VAPA: variants seen among roughly 807,000 people sequenced by gnomAD.
The protein encoded by VAPA is VAMP associated protein A.
A neutral mutation model predicts 25.6 loss-of-function variants in VAPA; 6 were observed. That is an observed-to-expected ratio of 0.23 (90% CI 0.13 to 0.46). VAPA has a LOEUF of 0.46. Among genes scored for constraint, VAPA ranks in the 20% least tolerant of loss-of-function variants. The pLI, the probability that VAPA is intolerant of heterozygous loss-of-function variation, is 0.99. For missense variants in VAPA, 244 were observed against 302.1 expected, an observed-to-expected ratio of 0.81 and a Z score of 1.43; for synonymous variants, 112 against 106.2, an observed-to-expected ratio of 1.05 and a Z score of -0.34.
At chr18:9,919,207 A>G (rs2069136828) in intron 1 of VAPA, among the ~76,000 whole-genome samples, 1 of 152,206 alleles carries the variant, frequency 6.6e-6, no homozygotes, top group South Asian at 2.1e-4. Context: ...TAGTGGCATC[A>G]TGATTACTCA....
Position 9,956,243 on chromosome 18 carries a change from A to T in VAPA, c.*2032A>T, listed in dbSNP as rs970265969. On this transcript the variant is annotated 3_prime_UTR_variant, in exon 6 of 6. Transcript: ENST00000400000. ...CTGGAACTAGATATCTGGTCTGTTG[A>T]CTCTAGCTCAGTGTCTTCTGGTAAC... The T allele has an allele frequency of 6.6e-6, 1 of 152,086 alleles. No individual in the cohort carries two copies. The highest frequency in any genetic ancestry group is 1.5e-5 in the Non-Finnish European group (1 of 68,002). 9.4% of individuals were successfully genotyped at this position (152,086 alleles called of 1,614,324 possible).
intron 4 of VAPA, chr18:9,948,547 C>G (rs965054854): frequency 6.6e-6 from 1 of 151,722 alleles, no homozygotes; most frequent in African/African-American, 2.4e-5. Flanking sequence ...TTTTTTTTCT[C>G]TTTGGTGTTG....
At chr18:9,926,905 A>G (rs683942) in intron 1 of VAPA, among the ~76,000 whole-genome samples, 38,309 of 152,018 alleles carry the variant, frequency 0.25, 5,395 homozygotes, top group Middle Eastern at 0.35. Context: ...CTAGAGGCCC[A>G]TGGAGAATTG....
intron 1 of VAPA, among the ~76,000 whole-genome samples, chr18:9,920,412 C>T (rs1286536324): frequency 6.6e-6 from 1 of 152,210 alleles, no homozygotes; most frequent in East Asian, 1.9e-4. Context: ...AAGCGATGCT[C>T]CTGCCTCAGC....
At chr18:9,933,111 TAA>T (rs771128247) in intron 2 of VAPA, among the ~76,000 whole-genome samples, 4 of 136,112 alleles carry the variant, frequency 2.9e-5, no homozygotes, top group Non-Finnish European at 1.6e-5. Context: ...AAGTGTACCT[TAA>T]AAAAAAAAAA....
At chr18:9,930,454 C>T (rs777364090) in intron 1 of VAPA, among the ~76,000 whole-genome samples, 6 of 152,074 alleles carry the variant, frequency 3.9e-5, no homozygotes, top group East Asian at 3.9e-4. Context: ...CAGTTCAAAA[C>T]GTATCTCCAG....
intron 5 of VAPA, chr18:9,950,828 C>T: frequency 2.5e-6 from 1 of 398,078 alleles, no homozygotes; most frequent in Non-Finnish European, 4.6e-6. Flanking sequence ...GCTCTTGTTT[C>T]TCATGTCCTT....
intron 5 of VAPA, among the ~76,000 whole-genome samples, chr18:9,952,564 C>CAA (rs58664560): frequency 0.035 from 3,876 of 109,764 alleles, 63 homozygotes; most frequent in Middle Eastern, 0.11. Flanking sequence ...AACATCGTCT[C>CAA]AAAAAAAAAA....
Position 9,931,820 on chromosome 18 carries a change from A to G in VAPA, c.90A>G (p.Thr30=). The G allele has an allele frequency of 6.2e-7, 1 of 1,610,756 alleles. No individual in the cohort carries two copies. The change falls in exon 2 of 6, where the codon ACA becomes ACG. Residue 30 remains threonine, a synonymous_variant. Transcript: ENST00000400000. ...PTDLKFKGPF[T]DVVTTNLKLR... is the part of the protein sequence containing the mutation. ...TTTTAAACTTTACAGGCCCCTTCAC[A>G]GATGTAGTCACTACAAATCTTAAAT...
intron 3 of VAPA, chr18:9,936,545 CA>C: frequency 5.0e-6 from 1 of 200,780 alleles, no homozygotes; most frequent in Non-Finnish European, 9.8e-6. Flanking sequence ...CCTGTCTCTA[CA>C]AAAACAAACA....
At chr18:9,953,247 A>G (rs1396178165) in intron 5 of VAPA, among the ~76,000 whole-genome samples, 3 of 152,208 alleles carry the variant, frequency 2.0e-5, no homozygotes, top group Non-Finnish European at 4.4e-5. Context: ...TCTTGACTGG[A>G]GGATCTAAGT....
At chr18:9,940,625 A>C (rs2069357335) in intron 4 of VAPA, among the ~76,000 whole-genome samples, 1 of 152,164 alleles carries the variant, frequency 6.6e-6, no homozygotes, top group South Asian at 2.1e-4. Context: ...GGGTAATTCA[A>C]AATGTGCAAA....
In VAPA at chr18:9,950,646, A is replaced by G. The variant is rs29113; in HGVS notation, c.591+78A>G. Reference sequence around the variant, plus strand: ...TGAGTGTTATTAGGCCATTTTAGCAATTAGCTTTTAAATTTTTGCTTGGTC... The same window carrying G: ...TGAGTGTTATTAGGCCATTTTAGCAGTTAGCTTTTAAATTTTTGCTTGGTC... On this transcript the variant is annotated intron_variant, in intron 5 of 5. Transcript: ENST00000400000. 1.0e-4 allele frequency: 153 copies of G among 1,495,524 alleles called. 3 individuals carry two copies. In the East Asian group the frequency reaches 3.6e-3, roughly 35 times the overall value. 92.6% of individuals were successfully genotyped at this position (1,495,524 alleles called of 1,614,324 possible).
At chr18:9,934,276 T>C (rs2069286217) in intron 2 of VAPA, among the ~76,000 whole-genome samples, 1 of 152,240 alleles carries the variant, frequency 6.6e-6, no homozygotes, top group African/African-American at 2.4e-5. Flanking sequence ...TTTTTATATA[T>C]GTTTTCAAGA....
At chr18:9,952,444 G>A (rs2069499641) in intron 5 of VAPA, among the ~76,000 whole-genome samples, 1 of 151,756 alleles carries the variant, frequency 6.6e-6, no homozygotes, top group Non-Finnish European at 1.5e-5. Context: ...GTGGGTGCCT[G>A]TAATCCCAGC....
At chr18:9,926,858 A>C (rs1412013770) in intron 1 of VAPA, among the ~76,000 whole-genome samples, 1 of 151,788 alleles carries the variant, frequency 6.6e-6, no homozygotes, top group Middle Eastern at 3.2e-3. Context: ...CTGGGTAAAA[A>C]CCCCCAGGAC....
chr18:9,949,376 T>C (rs2069462630), intron 4 of VAPA: 1 of 152,230 alleles, frequency 6.6e-6, no homozygotes, highest in Non-Finnish European at 1.5e-5. Context: ...GATTTAGGCA[T>C]ACTAATCAAA....
At position 9,950,499 on chromosome 18, in the gene VAPA, A is replaced by G. The variant is rs199675685; in HGVS notation, c.522A>G (p.Lys174=). The part of the protein sequence containing the change: ...SVSLNDTETR[K]LMEECKRLQG... ...CACTTAATGATACCGAAACAAGGAAACTAATGGAAGAGTGTAAAAGACTTC... is the reference window on the plus strand; with the variant it reads ...CACTTAATGATACCGAAACAAGGAAGCTAATGGAAGAGTGTAAAAGACTTC... The change falls in exon 5 of 6, where the codon AAA becomes AAG. Residue 174 remains lysine, a synonymous_variant. Transcript: ENST00000400000. 1,635 of 1,614,146 alleles carry G rather than the reference A, an allele frequency of 1.0e-3. 4 individuals carry two copies. Among genetic ancestry groups the G allele is most frequent in the Middle Eastern group, 2.6e-3 (16 of 6,062 alleles).
rs745635449 is a variant in VAPA at position 9,954,048 on chromosome 18, T to C, written c.592-5T>C. ...AAACCTTTTGTGTGTGTGTTTTTTT[T>C]CTAGGATGAAGGTTTAAGGCTCAGA... On this transcript the variant is annotated splice_polypyrimidine_tract_variant and splice_region_variant and intron_variant, in intron 5 of 5. Transcript: ENST00000400000. 25 of 1,613,128 alleles carry C rather than the reference T, an allele frequency of 1.5e-5. No individual in the cohort carries two copies. The highest frequency in any genetic ancestry group is 1.7e-4 in the Middle Eastern group (1 of 6,032).
Sources: gnomAD v4.1 joint callset for allele counts (sites outside exome capture counted in the v4.1 genomes callset) on GRCh38, gnomAD v4.1.1 for gene constraint, MANE v1.5 for transcripts, NCBI Gene and HGNC (gene_info 2026-07-23, HGNC 2026-07-21) for gene names.